LRRC8C: variants seen among roughly 807,000 people sequenced by gnomAD.
The protein encoded by LRRC8C is volume-regulated anion channel subunit LRRC8C.
In LRRC8C, 20 loss-of-function variants were observed where a neutral mutation model predicts 55.3. The ratio of observed to expected loss-of-function variants is 0.36; its 90% CI spans 0.25 to 0.53. The LOEUF is 0.53. Ranked by LOEUF, LRRC8C falls within the 20% of genes least tolerant of loss-of-function variation. LRRC8C has a pLI of 0.92. For missense variants in LRRC8C, 659 were observed against 951.4 expected, an observed-to-expected ratio of 0.69 and a Z score of 4.04; for synonymous variants, 376 against 360.7, an observed-to-expected ratio of 1.04 and a Z score of -0.48.
At chr1:89,680,244 A>AT (rs371829692) in intron 1 of LRRC8C, among the ~76,000 whole-genome samples, 179 of 151,908 alleles carry the variant, frequency 1.2e-3, no homozygotes, top group African/African-American at 4.1e-3. Context: ...CGCCCGGCTA[A>AT]TTTTTTGTAT....
intron 2 of LRRC8C, among the ~76,000 whole-genome samples, chr1:89,709,751 G>GT (rs1553168157): frequency 1.6e-4 from 15 of 93,072 alleles, no homozygotes; most frequent in African/African-American, 5.6e-4. Flanking sequence ...GTTTTTTTTT[G>GT]TTTGTTTTTT....
intron 2 of LRRC8C, among the ~76,000 whole-genome samples, chr1:89,701,671 T>A (rs1435901668): frequency 6.6e-6 from 1 of 152,162 alleles, no homozygotes; most frequent in Non-Finnish European, 1.5e-5. Flanking sequence ...CATAATAATT[T>A]GTCTCGACTA....
the LRRC8C span, among the ~76,000 whole-genome samples, chr1:89,625,945 G>GA: frequency 2.0e-5 from 3 of 151,954 alleles, no homozygotes; most frequent in Admixed American, 6.6e-5. Flanking sequence ...TTGAGCCCTG[G>GA]AAAAAAATCA....
At chr1:89,679,950 T>C (rs1657651340) in intron 1 of LRRC8C, among the ~76,000 whole-genome samples, 1 of 152,194 alleles carries the variant, frequency 6.6e-6, no homozygotes, top group South Asian at 2.1e-4. Context: ...CAGAATACAT[T>C]CTGGGATATT....
At chr1:89,628,695 C>T (rs929622189), upstream of LRRC8C, among the ~76,000 whole-genome samples, 1 of 152,238 alleles carries the variant, frequency 6.6e-6, no homozygotes, top group Non-Finnish European at 1.5e-5. Flanking sequence ...TTCGATATAA[C>T]ATTCCTTCCT....
At chr1:89,712,404 C>T (rs770318517) in intron 2 of LRRC8C, among the ~76,000 whole-genome samples, 17 of 152,256 alleles carry the variant, frequency 1.1e-4, no homozygotes, top group East Asian at 3.9e-4. Flanking sequence ...TGAGCCACTG[C>T]GCCTGGCTGC....
At chr1:89,659,636 G>A (rs1024035114) in intron 1 of LRRC8C, among the ~76,000 whole-genome samples, 1 of 151,808 alleles carries the variant, frequency 6.6e-6, no homozygotes, top group African/African-American at 2.4e-5. Context: ...GTAATTAATT[G>A]TTACTGTTAA....
intron 1 of LRRC8C, among the ~76,000 whole-genome samples, chr1:89,668,891 A>G (rs938244481): frequency 2.0e-5 from 3 of 152,228 alleles, no homozygotes; most frequent in Non-Finnish European, 1.5e-5. Context: ...CTATTTAACC[A>G]ACACAATTTT....
chr1:89,619,424 CAATT>C, the LRRC8C span, among the ~76,000 whole-genome samples: 5 of 149,486 alleles, frequency 3.3e-5, no homozygotes, highest in Non-Finnish European at 7.4e-5. Flanking sequence ...ATAAAAATAA[CAATT>C]TATTTACATA....
chr1:89,648,997 T>G (rs1656688805), intron 1 of LRRC8C, among the ~76,000 whole-genome samples: 1 of 152,224 alleles, frequency 6.6e-6, no homozygotes, highest in Admixed American at 6.5e-5. Flanking sequence ...GCATTTTGGT[T>G]GTTTTCACCT....
chr1:89,624,599 T>G, the LRRC8C span, among the ~76,000 whole-genome samples: 3 of 152,320 alleles, frequency 2.0e-5, no homozygotes, highest in Admixed American at 2.0e-4. Flanking sequence ...GACTGATGTT[T>G]GTAAGGAAAA....
Position 89,707,352 on chromosome 1 carries a change from A to G in LRRC8C, c.139-5357A>G, listed in dbSNP as rs138686530. On this transcript the variant is annotated intron_variant, in intron 2 of 2. Coordinates refer to ENST00000370454, the MANE Select transcript of LRRC8C (RefSeq NM_032270.5). ...AACCCGGGAGGCGGAGGTTGCAGTG[A>G]GCTGAGATTGCGCCACTGCACTCCA... is the stretch of plus-strand genomic sequence containing the variant. Among the ~76,000 whole-genome samples, 107 of 152,130 alleles carry G rather than the reference A, an allele frequency of 7.0e-4. No individual in the cohort carries two copies. The East Asian group carries it at 0.018, about 26-fold the overall frequency.
intron 2 of LRRC8C, among the ~76,000 whole-genome samples, chr1:89,709,907 G>A (rs563607965): frequency 1.0e-3 from 153 of 151,958 alleles, no homozygotes; most frequent in African/African-American, 3.1e-3. Flanking sequence ...GCCCGCCACC[G>A]CGCCCGGCTA....
chr1:89,631,159 T>C (rs1354651120), upstream of LRRC8C, among the ~76,000 whole-genome samples: 5 of 152,176 alleles, frequency 3.3e-5, no homozygotes, highest in African/African-American at 9.7e-5. Flanking sequence ...TACAAAGTGA[T>C]TGGCACTGTT....
At chr1:89,634,413 G>A (rs567661740) in intron 1 of LRRC8C, among the ~76,000 whole-genome samples, 8 of 152,288 alleles carry the variant, frequency 5.3e-5, no homozygotes, top group African/African-American at 2.4e-5. Flanking sequence ...AATCGCAGCC[G>A]TTTGTAAGTC....
At position 89,716,660 on chromosome 1, in the gene LRRC8C, T is replaced by G. The variant is rs1342142208; in HGVS notation, c.*1678T>G. The G allele has an allele frequency of 6.6e-6, 1 of 152,236 alleles. No homozygotes were observed. Among genetic ancestry groups the G allele is most frequent in the Non-Finnish European group, 1.5e-5 (1 of 68,038 alleles). 9.4% of individuals were successfully genotyped at this position (152,236 alleles called of 1,614,324 possible). On this transcript the variant is annotated 3_prime_UTR_variant, in exon 3 of 3. Coordinates refer to ENST00000370454, the MANE Select transcript of LRRC8C (RefSeq NM_032270.5). Reference sequence around the variant, plus strand: ...CACTAATTATGAGAACTTTGTTTTATGTACCAAATTCACATTGACCATTTT... The same window carrying G: ...CACTAATTATGAGAACTTTGTTTTAGGTACCAAATTCACATTGACCATTTT...
At chr1:89,655,352 CTCTCTGCTTTACTT>C (rs1656912383) in intron 1 of LRRC8C, among the ~76,000 whole-genome samples, 1 of 151,758 alleles carries the variant, frequency 6.6e-6, no homozygotes, top group African/African-American at 2.4e-5. Context: ...TGAACTCCTG[CTCTCTGCTTTACTT>C]TCGGTTTTAG....
intron 2 of LRRC8C, among the ~76,000 whole-genome samples, chr1:89,687,024 G>C (rs1313598418): frequency 6.6e-6 from 1 of 152,142 alleles, no homozygotes; most frequent in Non-Finnish European, 1.5e-5. Flanking sequence ...AAATTTTGAT[G>C]AGATATCATT....
chr1:89,665,590 G>A (rs1657237292), intron 1 of LRRC8C, among the ~76,000 whole-genome samples: 1 of 152,162 alleles, frequency 6.6e-6, no homozygotes, highest in Non-Finnish European at 1.5e-5. Context: ...ATGTGTTTGT[G>A]TTTTAAGCCA....
Sources: gnomAD v4.1 joint callset for allele counts (sites outside exome capture counted in the v4.1 genomes callset) on GRCh38, gnomAD v4.1.1 for gene constraint, MANE v1.5 for transcripts, NCBI Gene and HGNC (gene_info 2026-07-23, HGNC 2026-07-21) for gene names.